Variants in KCNJ6 observed in about 807,000 individuals in gnomAD.
KCNJ6 encodes G protein-activated inward rectifier potassium channel 2.
In KCNJ6, 9 loss-of-function variants were observed where a neutral mutation model predicts 34.2. That is an observed-to-expected ratio of 0.26 (90% confidence interval 0.16 to 0.46). KCNJ6 has a LOEUF of 0.46. Among genes scored for constraint, KCNJ6 ranks in the 20% least tolerant of loss-of-function variants. KCNJ6 has a pLI of 1.00. For synonymous variants in KCNJ6, 196 were observed against 207.1 expected, an observed-to-expected ratio of 0.95 and a Z score of 0.46; for missense variants, 236 against 531.3, an observed-to-expected ratio of 0.44 and a Z score of 5.46.
chr21:37,794,992 A>T (rs185162417), intron 2 of KCNJ6, among the ~76,000 whole-genome samples: 4 of 152,326 alleles, frequency 2.6e-5, no homozygotes, highest in Non-Finnish European at 4.4e-5. Flanking sequence ...CTGGGTAAAG[A>T]TCATGTAAAA....
At chr21:37,632,227 A>G (rs1308130665) in intron 3 of KCNJ6, among the ~76,000 whole-genome samples, 1 of 151,950 alleles carries the variant, frequency 6.6e-6, no homozygotes, top group Non-Finnish European at 1.5e-5. Context: ...ACGGAAAACA[A>G]TAAGAAAAGA....
intron 1 of KCNJ6, among the ~76,000 whole-genome samples, chr21:37,903,004 CTCTT>C (rs971523553): frequency 2.6e-5 from 4 of 152,052 alleles, no homozygotes; most frequent in African/African-American, 4.8e-5. Context: ...TTTTTCCTCT[CTCTT>C]TATTAGAAAC....
intron 3 of KCNJ6, among the ~76,000 whole-genome samples, chr21:37,705,002 G>T (rs759037142): frequency 6.6e-6 from 1 of 152,062 alleles, no homozygotes; most frequent in East Asian, 1.9e-4. Context: ...AGAACTGGAG[G>T]GTGGGAGCCT....
At chr21:37,707,723 A>ATGTGTGTGTGTGTG (rs1491422353) in intron 3 of KCNJ6, among the ~76,000 whole-genome samples, 2 of 778 alleles carry the variant, frequency 2.6e-3, no homozygotes, top group African/African-American at 4.0e-3. Context: ...GTATCTGTGC[A>ATGTGTGTGTGTGTG]TGTGTGTGTG....
At chr21:37,817,592 C>A (rs936698373) in intron 2 of KCNJ6, among the ~76,000 whole-genome samples, 1 of 152,148 alleles carries the variant, frequency 6.6e-6, no homozygotes, top group African/African-American at 2.4e-5. Context: ...AAGTATTTTC[C>A]TTGCTCTGAG....
intron 1 of KCNJ6, among the ~76,000 whole-genome samples, chr21:37,877,181 C>G (rs779673367): frequency 2.4e-4 from 36 of 152,120 alleles, no homozygotes; most frequent in Non-Finnish European, 5.0e-4. Context: ...GGGGAAATAG[C>G]AAACTCTGAT....
chr21:37,719,589 A>G (rs890579273), intron 2 of KCNJ6: 18 of 152,222 alleles, frequency 1.2e-4, no homozygotes, highest in African/African-American at 4.1e-4. Context: ...TTGATGATTT[A>G]CTTGACTTTG....
chr21:37,847,180 C>A (rs1488469662), intron 1 of KCNJ6, among the ~76,000 whole-genome samples: 1 of 152,046 alleles, frequency 6.6e-6, no homozygotes, highest in Non-Finnish European at 1.5e-5. Context: ...AAAATAGTAA[C>A]TCCTAATGTT....
At chr21:37,899,317 A>C (rs990520130) in intron 1 of KCNJ6, among the ~76,000 whole-genome samples, 1 of 152,204 alleles carries the variant, frequency 6.6e-6, no homozygotes, top group East Asian at 1.9e-4. Flanking sequence ...GTGAGCCCAG[A>C]GGGAAAAACC....
intron 3 of KCNJ6, among the ~76,000 whole-genome samples, chr21:37,706,457 G>A (rs947672386): frequency 1.3e-5 from 2 of 152,244 alleles, no homozygotes; most frequent in Non-Finnish European, 2.9e-5. Flanking sequence ...GTGAGCAGAA[G>A]CGAGTGTTTG....
At chr21:37,713,604 C>CCATTAACAGCAGGAGGGCCGGT (rs2054774561) in intron 3 of KCNJ6, among the ~76,000 whole-genome samples, 1 of 151,972 alleles carries the variant, frequency 6.6e-6, no homozygotes, top group Non-Finnish European at 1.5e-5. Flanking sequence ...GGAGGGCCGG[C>CCATTAACAGCAGGAGGGCCGGT]GGGATTAAGA....
At chr21:37,646,029 G>A (rs2054402746) in intron 3 of KCNJ6, among the ~76,000 whole-genome samples, 1 of 152,156 alleles carries the variant, frequency 6.6e-6, no homozygotes. Flanking sequence ...TTGGTTTATA[G>A]AATGTGAGAC....
intron 1 of KCNJ6, among the ~76,000 whole-genome samples, chr21:37,904,681 A>C (rs982594362): frequency 2.6e-5 from 4 of 152,194 alleles, no homozygotes; most frequent in African/African-American, 9.7e-5. Flanking sequence ...CTTCTATCAA[A>C]GCATAAGTGA....
intron 3 of KCNJ6, among the ~76,000 whole-genome samples, chr21:37,691,469 C>T (rs2054639434): frequency 6.6e-6 from 1 of 152,206 alleles, no homozygotes. Flanking sequence ...CTGCTCAGAG[C>T]TCTGGCAGCT....
In KCNJ6 at chr21:37,714,095, T is replaced by G; in HGVS notation, c.946+116A>C. ...CATACTATGTCATGAAGCAAGGGGATGTTGTCAATATTGAGTGAGGTTCAG... is the reference window on the plus strand; with the variant it reads ...CATACTATGTCATGAAGCAAGGGGAGGTTGTCAATATTGAGTGAGGTTCAG... On this transcript the variant is annotated intron_variant, in intron 3 of 3. Transcript: ENST00000609713. This position sits in a 1 kb window ranked among gnomAD's most constrained non-coding sequence, Gnocchi z 5.9. 2.7e-6 allele frequency: 2 copies of G among 749,138 alleles called. No individual in the cohort carries two copies. Among genetic ancestry groups the G allele is most frequent in the Non-Finnish European group, 4.5e-6 (2 of 440,406 alleles). The allele number at this position is 749,138 out of a possible 1,614,324, so 46.4% of individuals were successfully genotyped here.
chr21:37,820,245 G>A (rs1222017889), intron 2 of KCNJ6, among the ~76,000 whole-genome samples: 3 of 152,164 alleles, frequency 2.0e-5, no homozygotes, highest in African/African-American at 7.2e-5. Context: ...TTGAAGCGCT[G>A]ACCCATTTAT....
intron 1 of KCNJ6, among the ~76,000 whole-genome samples, chr21:37,851,813 T>C (rs2055539014): frequency 1.3e-5 from 2 of 152,082 alleles, no homozygotes; most frequent in African/African-American, 4.8e-5. Flanking sequence ...CAAACTTAAG[T>C]TGACTCTGAA....
intron 1 of KCNJ6, among the ~76,000 whole-genome samples, chr21:37,914,915 G>A (rs1445475331): frequency 8.0e-6 from 1 of 124,332 alleles, no homozygotes; most frequent in African/African-American, 4.4e-5. Flanking sequence ...GGAGTTGTGG[G>A]GTTTTTTTTT....
chr21:37,817,611 G>A (rs558431029), intron 2 of KCNJ6, among the ~76,000 whole-genome samples: 7 of 152,248 alleles, frequency 4.6e-5, no homozygotes, highest in African/African-American at 1.2e-4. Flanking sequence ...AGAGACAGAG[G>A]GGGTATTCTC....
Sources: allele counts gnomAD v4.1 joint callset (sites outside exome capture counted in the v4.1 genomes callset), GRCh38; gene constraint gnomAD v4.1.1; non-coding constraint Gnocchi (gnomAD v3.1); transcripts MANE v1.5; gene names NCBI Gene and HGNC (gene_info 2026-07-23, HGNC 2026-07-21).